The following FBXL2 variants were observed in gnomAD, a reference collection of about 807,000 sequenced individuals.
FBXL2 encodes F-box/LRR-repeat protein 2.
FBXL2 carries 38 observed loss-of-function variants against 69.2 expected under a neutral mutation model. The ratio of observed to expected loss-of-function variants is 0.55; its 90% confidence interval spans 0.42 to 0.72. The LOEUF is 0.72. Ranked by LOEUF, FBXL2 falls within the 30% of genes least tolerant of loss-of-function variation. The probability of loss-of-function intolerance (pLI) is 0.00; values close to 1 mark genes in which losing one functional copy is unlikely to be tolerated. For missense variants in FBXL2, 354 were observed against 520.3 expected (o/e 0.68, Z 3.11); for synonymous variants, 192 against 201.3 (o/e 0.95, Z 0.39).
At position 33,396,225 on chromosome 3, in the gene FBXL2, C is replaced by T. The variant is rs751939930; in HGVS notation, n.1215-7009C>T. 1.8e-5 allele frequency: 28 copies of T among 1,595,932 alleles called. No homozygotes were observed. The highest frequency in any genetic ancestry group is 3.3e-5 in the South Asian group (3 of 90,154). On this transcript the variant is annotated intron_variant and non_coding_transcript_variant, in intron 12 of 12. Coordinates refer to the FBXL2 transcript ENST00000463736. Reference sequence around the variant, plus strand: ...GCAGCTTGCTGCTGCCCTTGCAGCACTGTGCTGCTTGGCTGCTCCCGGCAG... The same window carrying T: ...GCAGCTTGCTGCTGCCCTTGCAGCATTGTGCTGCTTGGCTGCTCCCGGCAG...
At chr3:33,418,921 A>G in the FBXL2 span, among the ~76,000 whole-genome samples, 1 of 152,036 alleles carries the variant, frequency 6.6e-6, no homozygotes, top group Non-Finnish European at 1.5e-5. Context: ...GAAGAAAAAA[A>G]TGAGCAAATG....
At chr3:33,308,041 T>TTTTGTTTG (rs10665378) in intron 2 of FBXL2, among the ~76,000 whole-genome samples, 2 of 151,996 alleles carry the variant, frequency 1.3e-5, no homozygotes, top group Non-Finnish European at 2.9e-5. Context: ...TTGTTGTTAT[T>TTTTGTTTG]TTTGTTTGTT....
At chr3:33,340,129 GTTTA>G in intron 2 of FBXL2, among the ~76,000 whole-genome samples, 1 of 152,250 alleles carries the variant, frequency 6.6e-6, no homozygotes, top group East Asian at 1.9e-4. Context: ...GATGTATTTT[GTTTA>G]TCTCTGGGTG....
intron 2 of FBXL2, among the ~76,000 whole-genome samples, chr3:33,302,411 GA>G (rs574988049): frequency 1.3e-5 from 2 of 150,344 alleles, no homozygotes; most frequent in South Asian, 2.1e-4. Context: ...CCCTTTTTGA[GA>G]AAAAAAAATG....
At chr3:33,407,490 C>T (rs115257060), downstream of FBXL2, among the ~76,000 whole-genome samples, 979 of 146,956 alleles carry the variant, frequency 6.7e-3, 3 homozygotes, top group Non-Finnish European at 8.8e-3. Context: ...ATTGCTGGGG[C>T]GGGTGTTTTA....
At chr3:33,383,933 A>T in intron 13 of FBXL2, 56 bp from the exon 14 acceptor site, 1 of 1,560,650 alleles carries the variant, frequency 6.4e-7, no homozygotes, top group Non-Finnish European at 8.8e-7. Flanking sequence ...TTTTTTTAGG[A>T]CTTGAGCCTT....
chr3:33,287,162 C>G (rs2034723470), intron 1 of FBXL2, among the ~76,000 whole-genome samples: 1 of 152,116 alleles, frequency 6.6e-6, no homozygotes, highest in Admixed American at 6.5e-5. Context: ...ACCTCCCACC[C>G]TAAAGTGATT....
chr3:33,311,453 G>A (rs2037185447), intron 2 of FBXL2, among the ~76,000 whole-genome samples: 1 of 152,036 alleles, frequency 6.6e-6, no homozygotes, highest in Admixed American at 6.6e-5. Flanking sequence ...AATTCTGATA[G>A]GCTTTCTTCA....
chr3:33,334,908 C>T (rs1273551519), intron 2 of FBXL2, among the ~76,000 whole-genome samples: 4 of 151,860 alleles, frequency 2.6e-5, no homozygotes, highest in South Asian at 2.1e-4. Flanking sequence ...TAGTGAAACC[C>T]CATCTGTACC....
chr3:33,347,861 G>T (rs574898179), intron 2 of FBXL2, among the ~76,000 whole-genome samples: 1 of 151,970 alleles, frequency 6.6e-6, no homozygotes, highest in Non-Finnish European at 1.5e-5. Flanking sequence ...TTTTTAAATT[G>T]GATTGTTAGA....
At chr3:33,356,940 G>A (rs78824787) in intron 2 of FBXL2, among the ~76,000 whole-genome samples, 13 of 152,268 alleles carry the variant, frequency 8.5e-5, no homozygotes, top group East Asian at 1.9e-4. Flanking sequence ...TGTGTTAAGC[G>A]TTCCAAAGCA....
At chr3:33,418,249 A>G in the FBXL2 span, among the ~76,000 whole-genome samples, 1 of 152,092 alleles carries the variant, frequency 6.6e-6, no homozygotes, top group Non-Finnish European at 1.5e-5. Flanking sequence ...AGAAACATTA[A>G]TTTTTATTTA....
intron 6 of FBXL2, 34 bp downstream of exon 6, chr3:33,373,194 C>T: frequency 6.2e-7 from 1 of 1,609,914 alleles, no homozygotes; most frequent in Non-Finnish European, 8.5e-7. Context: ...GACCAAATAG[C>T]CACGGGGAGA....
At chr3:33,401,620 T>C (rs2044231628) in intron 12 of FBXL2, among the ~76,000 whole-genome samples, 1 of 152,208 alleles carries the variant, frequency 6.6e-6, no homozygotes, top group Admixed American at 6.5e-5. Context: ...ACTCCTTTCT[T>C]AGCCCCCGTG....
intron 1 of FBXL2, among the ~76,000 whole-genome samples, chr3:33,282,427 C>T (rs1249873808): frequency 6.6e-6 from 1 of 152,140 alleles, no homozygotes; most frequent in Non-Finnish European, 1.5e-5. Context: ...GGTACCAGTA[C>T]CATGCTGTTT....
intron 2 of FBXL2, among the ~76,000 whole-genome samples, chr3:33,298,823 T>C (rs1164177240): frequency 6.6e-6 from 1 of 151,824 alleles, no homozygotes; most frequent in East Asian, 1.9e-4. Context: ...GTTTCTCTTA[T>C]CACTGATACT....
rs1031434806 is a variant in FBXL2, at chr3:33,385,788, T to C, written c.*180T>C. 1.7e-6 allele frequency: 1 copy of C among 603,196 alleles called. No individual in the cohort carries two copies. The highest frequency in any genetic ancestry group is 1.9e-5 in the African/African-American group (1 of 53,790). 37.4% of individuals were successfully genotyped at this position (603,196 alleles called of 1,614,324 possible). A position where few individuals can be genotyped will look rare whatever the true frequency, so the allele number is the denominator to read the frequency against. ...GTGATAGTTTTCACCTTTATTCTGC[T>C]GTGAAACAATCAAATCAAAGCCTTG... On this transcript the variant is annotated 3_prime_UTR_variant, in exon 15 of 15. Coordinates refer to ENST00000484457, the MANE Select transcript of FBXL2 (RefSeq NM_012157.5).
In FBXL2 at chr3:33,344,550, G is replaced by A. The variant is rs539114038; in HGVS notation, c.66-14417G>A. ...GATTGAGATAAAATCATAAATCAAT[G>A]TGTAAGTGTTCAAAAATAAATTCCA... On this transcript the variant is annotated intron_variant, in intron 2 of 14. Coordinates refer to ENST00000484457, the MANE Select transcript of FBXL2 (RefSeq NM_012157.5). Among the ~76,000 whole-genome samples, 15 of 152,234 alleles carry A rather than the reference G, an allele frequency of 9.9e-5. No homozygotes were observed. In the South Asian group the frequency reaches 3.1e-3, roughly 32 times the overall value.
At chr3:33,296,869 A>C (rs1230440227) in intron 1 of FBXL2, among the ~76,000 whole-genome samples, 1 of 152,090 alleles carries the variant, frequency 6.6e-6, no homozygotes, top group Non-Finnish European at 1.5e-5. Flanking sequence ...GATTTTAGTT[A>C]ATCTGGGTCC....
Sources: gnomAD v4.1 joint callset for allele counts (sites outside exome capture counted in the v4.1 genomes callset) on GRCh38, gnomAD v4.1.1 for gene constraint, MANE v1.5 for transcripts, NCBI Gene and HGNC (gene_info 2026-07-23, HGNC 2026-07-21) for gene names.